The following WIPF1 variants were observed in gnomAD, a reference collection of about 807,000 sequenced individuals.
WIPF1 encodes WAS/WASL-interacting protein family member 1.
WIPF1 carries 13 observed loss-of-function variants against 35.4 expected under a neutral mutation model. The ratio of observed to expected loss-of-function variants is 0.37; its 90% CI spans 0.24 to 0.58. WIPF1 has a LOEUF of 0.58. Among genes scored for constraint, WIPF1 ranks in the 20% least tolerant of loss-of-function variants. The pLI is 0.74. For missense variants in WIPF1, 591 were observed against 667.0 expected (o/e 0.89, Z 1.25); for synonymous variants, 267 against 266.3 (o/e 1.00, Z -0.02).
chr2:174,634,811 C>T (rs1419903507), intron 1 of WIPF1, among the ~76,000 whole-genome samples: 1 of 152,176 alleles, frequency 6.6e-6, no homozygotes, highest in African/African-American at 2.4e-5. Context: ...TCCAGGCACT[C>T]CTGACTCCAA....
At chr2:174,604,927 C>G (rs994922453) in intron 1 of WIPF1, among the ~76,000 whole-genome samples, 4 of 152,184 alleles carry the variant, frequency 2.6e-5, no homozygotes, top group African/African-American at 9.7e-5. Context: ...GGTTCCCTGG[C>G]TGCAGTGACT....
intron 1 of WIPF1, among the ~76,000 whole-genome samples, chr2:174,664,121 C>G (rs902256684): frequency 6.7e-6 from 1 of 150,232 alleles, no homozygotes; most frequent in Non-Finnish European, 1.5e-5. Context: ...CCTCTCTGTC[C>G]CTCTGTCCCT....
chr2:174,633,282 T>C (rs1687083898), intron 1 of WIPF1, among the ~76,000 whole-genome samples: 1 of 151,962 alleles, frequency 6.6e-6, no homozygotes, highest in Admixed American at 6.5e-5. Context: ...TTGGCATTAC[T>C]AGGATATAAA....
At chr2:174,601,163 G>A (rs910523072), upstream of WIPF1, among the ~76,000 whole-genome samples, 13 of 152,044 alleles carry the variant, frequency 8.6e-5, no homozygotes, top group Admixed American at 2.0e-4. Context: ...CTGGCCTCAA[G>A]TGATCTGTCC....
In WIPF1 at chr2:174,572,318, C is replaced by G. The variant is rs768185066; in HGVS notation, c.487G>C (p.Glu163Gln). The G allele has an allele frequency of 1.2e-6, 2 of 1,614,086 alleles. No individual in the cohort carries two copies. Among genetic ancestry groups the G allele is most frequent in the South Asian group, 1.1e-5 (1 of 91,082 alleles). The change falls in exon 5 of 8, where the codon GAG becomes CAG. Residue 163 changes from glutamate (E) to glutamine (Q), a missense_variant. Glu to Gln is a conservative substitution (Grantham distance 29, BLOSUM62 2). Transcript: ENST00000679041. ...GGCGGCATTCGGTTCCTCTGAGGCT[C>G]TGGGGGACCACTTCTGTGGCCTGGA... ...PSPGHRSGPP[E>Q]PQRNRMPPPR...
intron 1 of WIPF1, among the ~76,000 whole-genome samples, chr2:174,604,706 C>A (rs1168308634): frequency 6.6e-6 from 1 of 152,164 alleles, no homozygotes; most frequent in African/African-American, 2.4e-5. Context: ...CATGATGCAG[C>A]TATTCTGTGA....
intron 1 of WIPF1, among the ~76,000 whole-genome samples, chr2:174,676,108 C>T (rs1688124900): frequency 6.6e-6 from 1 of 150,776 alleles, no homozygotes; most frequent in Non-Finnish European, 1.5e-5. Context: ...AGCCACCATG[C>T]CTGGCTTTTT....
At chr2:174,647,351 C>G (rs1687431638) in intron 1 of WIPF1, among the ~76,000 whole-genome samples, 1 of 151,728 alleles carries the variant, frequency 6.6e-6, no homozygotes, top group South Asian at 2.1e-4. Context: ...GTACTCCAGC[C>G]TGGGCGACAC....
intron 1 of WIPF1, among the ~76,000 whole-genome samples, chr2:174,661,345 G>A (rs1388025466): frequency 6.6e-6 from 1 of 152,096 alleles, no homozygotes; most frequent in Non-Finnish European, 1.5e-5. Flanking sequence ...GAGACCTCAG[G>A]AGCACCTGCC....
intron 1 of WIPF1, among the ~76,000 whole-genome samples, chr2:174,677,550 A>G (rs1410706298): frequency 6.6e-6 from 1 of 152,236 alleles, no homozygotes; most frequent in Non-Finnish European, 1.5e-5. Flanking sequence ...TGGAGAAGAG[A>G]ACATTTTGGC....
chr2:174,570,817 G>A (rs541389347), intron 5 of WIPF1, among the ~76,000 whole-genome samples: 1 of 152,196 alleles, frequency 6.6e-6, no homozygotes, highest in Admixed American at 6.5e-5. Context: ...AGGTCTGTAC[G>A]ATGAGATTCA....
intron 1 of WIPF1, among the ~76,000 whole-genome samples, chr2:174,633,794 C>T (rs186258023): frequency 1.3e-5 from 2 of 152,308 alleles, no homozygotes; most frequent in African/African-American, 2.4e-5. Flanking sequence ...TCACACCTCA[C>T]GGCCTCTTCA....
intron 1 of WIPF1, among the ~76,000 whole-genome samples, chr2:174,621,817 A>G (rs1686684830): frequency 6.6e-6 from 1 of 152,240 alleles, no homozygotes; most frequent in South Asian, 2.1e-4. Flanking sequence ...AATTTGGACT[A>G]GCCACATTTC....
chr2:174,606,878 C>T (rs1686180530), intron 1 of WIPF1, among the ~76,000 whole-genome samples: 4 of 152,100 alleles, frequency 2.6e-5, no homozygotes, highest in South Asian at 4.1e-4. Flanking sequence ...AGAATACTGG[C>T]GACTGAGTAA....
At chr2:174,682,846 G>A (rs1688285570) in exon 1 of WIPF1, 1 of 151,948 alleles carries the variant, frequency 6.6e-6, no homozygotes, top group South Asian at 1.9e-4. Context: ...TTCTCCCGGG[G>A]TCCGCAGGGC....
At chr2:174,603,987 G>C (rs1450172115) in intron 1 of WIPF1, among the ~76,000 whole-genome samples, 1 of 152,108 alleles carries the variant, frequency 6.6e-6, no homozygotes, top group Non-Finnish European at 1.5e-5. Flanking sequence ...ATAAAAACAT[G>C]ACAGAACACT....
At chr2:174,574,953 T>TAAA (rs3049897) in intron 4 of WIPF1, 267 of 704,206 alleles carry the variant, frequency 3.8e-4, no homozygotes, top group African/African-American at 2.2e-3. Context: ...TTTAGAAAAG[T>TAAA]AAAAAAAAAA....
At chr2:174,591,921 G>A (rs533783781) in intron 1 of WIPF1, among the ~76,000 whole-genome samples, 2 of 152,174 alleles carry the variant, frequency 1.3e-5, no homozygotes, top group African/African-American at 4.8e-5. Context: ...GTGAGAGAAA[G>A]AGAACTGCTC....
chr2:174,606,771 T>C (rs984624934), intron 1 of WIPF1, among the ~76,000 whole-genome samples: 2 of 152,202 alleles, frequency 1.3e-5, no homozygotes, highest in Non-Finnish European at 2.9e-5. Context: ...TGCTAACACT[T>C]CTAGTACCAC....
Sources: gnomAD v4.1 joint callset for allele counts (sites outside exome capture counted in the v4.1 genomes callset) on GRCh38, gnomAD v4.1.1 for gene constraint, MANE v1.5 for transcripts, NCBI Gene and HGNC (gene_info 2026-07-23, HGNC 2026-07-21) for gene names.